FMNL2: variants seen among roughly 807,000 people sequenced by gnomAD.
FMNL2 encodes formin like 2.
Under a neutral mutation model 130.2 loss-of-function variants are expected in FMNL2, and 51 were observed. The observed-to-expected ratio is 0.39, with a 90% CI of 0.31 to 0.49. The LOEUF (loss-of-function observed/expected upper bound fraction) is 0.49, where lower values mean the gene tolerates loss of function less well. Among genes scored for constraint, FMNL2 ranks in the 20% least tolerant of loss-of-function variants. FMNL2 has a pLI of 0.85. For synonymous variants in FMNL2, 465 were observed against 467.1 expected (o/e 1.00, Z 0.06); for missense variants, 977 against 1,316.2 (o/e 0.74, Z 3.99).
chr2:152,426,030 G>T (rs3811576), intron 1 of FMNL2, among the ~76,000 whole-genome samples: 22,778 of 152,160 alleles, frequency 0.15, 1,915 homozygotes, highest in Middle Eastern at 0.31. Context: ...ATTTATGGTA[G>T]GGATAAATCA....
intron 11 of FMNL2, among the ~76,000 whole-genome samples, chr2:152,613,939 A>G (rs1217497877): frequency 6.6e-6 from 1 of 152,146 alleles, no homozygotes; most frequent in African/African-American, 2.4e-5. Context: ...GAGGCAGTGA[A>G]TTGGGGAAAG....
At chr2:152,643,381 CT>C in intron 25 of FMNL2, 1 of 1,535,408 alleles carries the variant, frequency 6.5e-7, no homozygotes, top group Non-Finnish European at 8.7e-7. Context: ...TTTTTATTCT[CT>C]TCTGTTTGTG....
intron 6 of FMNL2, among the ~76,000 whole-genome samples, chr2:152,561,887 C>A (rs904433975): frequency 2.0e-5 from 3 of 152,094 alleles, no homozygotes; most frequent in African/African-American, 7.2e-5. Flanking sequence ...CAGTTGTCAA[C>A]CTTATATTTT....
At chr2:152,567,250 A>G (rs1695897286) in intron 6 of FMNL2, among the ~76,000 whole-genome samples, 1 of 152,188 alleles carries the variant, frequency 6.6e-6, no homozygotes, top group African/African-American at 2.4e-5. Context: ...TCAGGCTAAT[A>G]GTGACTCTCC....
At chr2:152,502,692 A>G (rs34457645) in intron 1 of FMNL2, among the ~76,000 whole-genome samples, 6,381 of 152,250 alleles carry the variant, frequency 0.042, 411 homozygotes, top group African/African-American at 0.14. Context: ...GACTCAAAAA[A>G]ACCCAGAAAA....
chr2:152,624,052 TCCC>T (rs1559019494), intron 15 of FMNL2, among the ~76,000 whole-genome samples: 1 of 5,620 alleles, frequency 1.8e-4, no homozygotes. Flanking sequence ...TTCCCTCCCC[TCCC>T]CTCCCCTCCC....
rs77605816 is a variant in FMNL2 at position 152,641,326 on chromosome 2, A to G, written c.3169+412A>G. 7.7e-3 allele frequency among the ~76,000 whole-genome samples: 1,171 copies of G among 152,344 alleles called. 14 individuals are homozygous for G. The highest frequency in any genetic ancestry group is 0.027 in the African/African-American group (1,116 of 41,580). The stretch of plus-strand genomic sequence containing the variant: ...CTCATTCAAAGTAACTGAAGTCAGT[A>G]GGTACTTTAATTTGGGTGAGCCAAC... On this transcript the variant is annotated intron_variant, in intron 25 of 25. Coordinates refer to ENST00000288670, the MANE Select transcript of FMNL2 (RefSeq NM_052905.4).
chr2:152,404,405 T>G lies in FMNL2; in HGVS notation c.117+68685T>G, dbSNP rs536317783. Among the ~76,000 whole-genome samples the G allele has an allele frequency of 3.3e-5, 5 of 152,308 alleles. No homozygotes were observed. In the East Asian group the frequency reaches 9.6e-4, roughly 29 times the overall value. On this transcript the variant is annotated intron_variant, in intron 1 of 25. Transcript: ENST00000288670. ...AGAGAAAGGGGACACCAAGCTGAATTTAAATAGAAAAAATAATGAAATATA... is the reference window on the plus strand; with the variant it reads ...AGAGAAAGGGGACACCAAGCTGAATGTAAATAGAAAAAATAATGAAATATA...
At chr2:152,537,337 A>G (rs1470082794) in intron 2 of FMNL2, among the ~76,000 whole-genome samples, 1 of 152,152 alleles carries the variant, frequency 6.6e-6, no homozygotes, top group African/African-American at 2.4e-5. Flanking sequence ...CCTTGTCTGC[A>G]AGGCAGGTAT....
At chr2:152,437,229 G>C (rs142403439) in intron 1 of FMNL2, among the ~76,000 whole-genome samples, 2 of 152,228 alleles carry the variant, frequency 1.3e-5, no homozygotes, top group East Asian at 1.9e-4. Flanking sequence ...TTGTGGGGTG[G>C]GGAAGAGGGA....
chr2:152,616,686 T>C (rs1323667106), intron 12 of FMNL2, among the ~76,000 whole-genome samples: 1 of 152,196 alleles, frequency 6.6e-6, no homozygotes, highest in Non-Finnish European at 1.5e-5. Flanking sequence ...GCTACCTAGA[T>C]TGAAAGAACC....
intron 1 of FMNL2, among the ~76,000 whole-genome samples, chr2:152,410,102 C>G (rs2105995954): frequency 6.6e-6 from 1 of 152,264 alleles, no homozygotes; most frequent in South Asian, 2.1e-4. Flanking sequence ...TCCTAGAGAA[C>G]AGCCAATAGT....
intron 12 of FMNL2, among the ~76,000 whole-genome samples, chr2:152,616,016 A>C (rs1367797723): frequency 6.6e-6 from 1 of 152,184 alleles, no homozygotes; most frequent in Non-Finnish European, 1.5e-5. Flanking sequence ...TTACAGGCCC[A>C]GTATATCTTC....
intron 3 of FMNL2, among the ~76,000 whole-genome samples, chr2:152,545,033 A>G (rs927870873): frequency 2.6e-5 from 4 of 152,186 alleles, no homozygotes; most frequent in Non-Finnish European, 4.4e-5. Context: ...CTGAATGGCC[A>G]TGTTTGGTCT....
At chr2:152,565,104 T>C (rs934126937) in intron 6 of FMNL2, among the ~76,000 whole-genome samples, 1 of 152,206 alleles carries the variant, frequency 6.6e-6, no homozygotes, top group Non-Finnish European at 1.5e-5. Context: ...GGCACATATG[T>C]GCACATCAGA....
rs541085159 is a variant in FMNL2, at chr2:152,613,036, C to T, written c.1062+1431C>T. On this transcript the variant is annotated intron_variant, in intron 11 of 25. Transcript: ENST00000288670. ...GAGGTGGTTACTCTCAACCTGAAGG[C>T]CTTGCTTCCTAGACTGGCTGGGCTG... 8.7e-4 allele frequency among the ~76,000 whole-genome samples: 133 copies of T among 152,324 alleles called. No individual in the cohort carries two copies. In the South Asian group the frequency reaches 0.027, roughly 31 times the overall value.
rs749281633 is a variant in FMNL2, at chr2:152,580,934, TTTC to T, written c.783-13_783-11del. The T allele has an allele frequency of 1.0e-4, 162 of 1,609,584 alleles. No individual in the cohort carries two copies. The highest frequency in any genetic ancestry group is 2.0e-4 in the Admixed American group (12 of 59,506). Reference sequence around the variant, plus strand: ...CATGCCATTTTCACTGATTTGTGTTTTTCTTCTTCTTGTTTTGGCAGAACAAAA... The same window carrying T: ...CATGCCATTTTCACTGATTTGTGTTTTTCTTCTTGTTTTGGCAGAACAAAA... On this transcript the variant is annotated intron_variant, in intron 8 of 25. Coordinates refer to ENST00000288670, the MANE Select transcript of FMNL2 (RefSeq NM_052905.4).
intron 1 of FMNL2, among the ~76,000 whole-genome samples, chr2:152,406,394 GAA>G (rs60628692): frequency 0.36 from 53,983 of 151,776 alleles, 10,113 homozygotes; most frequent in Admixed American, 0.44. Flanking sequence ...TAACAGTAGA[GAA>G]AAGAATCAGA....
At chr2:152,443,574 G>A (rs942408411) in intron 1 of FMNL2, among the ~76,000 whole-genome samples, 12 of 152,164 alleles carry the variant, frequency 7.9e-5, no homozygotes, top group African/African-American at 2.2e-4. Flanking sequence ...TGGGCGTGGT[G>A]GCTCACGCCT....
Sources: gnomAD v4.1 joint callset for allele counts (sites outside exome capture counted in the v4.1 genomes callset) on GRCh38, gnomAD v4.1.1 for gene constraint, MANE v1.5 for transcripts, NCBI Gene and HGNC (gene_info 2026-07-23, HGNC 2026-07-21) for gene names.